Variants in FYB1 observed in about 807,000 individuals in gnomAD.
FYB1 encodes FYN-binding protein 1.
Under a neutral mutation model 94.1 loss-of-function variants are expected in FYB1, and 41 were observed. The ratio of observed to expected loss-of-function variants is 0.44; its 90% CI spans 0.34 to 0.57. FYB1 has a LOEUF of 0.57. Among genes scored for constraint, FYB1 ranks in the 20% least tolerant of loss-of-function variants. The pLI is 0.02. For missense variants in FYB1, 1,050 were observed against 976.8 expected (o/e 1.07, Z -1.00); for synonymous variants, 367 against 353.2 (o/e 1.04, Z -0.44).
At chr5:39,120,878 T>C (rs1740028233) in intron 14 of FYB1, among the ~76,000 whole-genome samples, 3 of 152,190 alleles carry the variant, frequency 2.0e-5, no homozygotes, top group Admixed American at 6.6e-5. Flanking sequence ...TATGGTAGTC[T>C]GGGCATTTGT....
chr5:39,274,056 C>G (rs534795342), intron 1 of FYB1, among the ~76,000 whole-genome samples: 1 of 152,098 alleles, frequency 6.6e-6, no homozygotes. Context: ...TCCCAAGTAA[C>G]TGAGATTACA....
intron 1 of FYB1, among the ~76,000 whole-genome samples, chr5:39,261,884 T>C: frequency 6.6e-6 from 1 of 152,026 alleles, no homozygotes; most frequent in South Asian, 2.1e-4. Flanking sequence ...GAGGAGGCAT[T>C]AGAAAGTGAT....
chr5:39,217,030 G>C (rs1749922455), intron 1 of FYB1, among the ~76,000 whole-genome samples: 1 of 152,134 alleles, frequency 6.6e-6, no homozygotes, highest in African/African-American at 2.4e-5. Context: ...CTTCTGATGG[G>C]GAAATATTCC....
intron 2 of FYB1, among the ~76,000 whole-genome samples, 164 bp from the exon 3 acceptor site, chr5:39,153,768 C>T (rs1002083878): frequency 1.1e-4 from 17 of 152,148 alleles, no homozygotes; most frequent in African/African-American, 3.6e-4. Flanking sequence ...ATTATTACTA[C>T]GTTGTGTGCT....
chr5:39,141,708 A>G (rs375973201), intron 3 of FYB1, among the ~76,000 whole-genome samples: 87 of 152,046 alleles, frequency 5.7e-4, no homozygotes, highest in African/African-American at 2.0e-3. Context: ...TTTTGCACCG[A>G]CCTAATACAA....
intron 2 of FYB1, among the ~76,000 whole-genome samples, chr5:39,195,796 G>A (rs781266696): frequency 2.0e-4 from 30 of 152,156 alleles, no homozygotes; most frequent in Non-Finnish European, 3.8e-4. Context: ...ACTTTGGTGA[G>A]GCATTGTGTT....
intron 2 of FYB1, among the ~76,000 whole-genome samples, chr5:39,182,465 T>C (rs55896535): frequency 0.093 from 14,174 of 152,090 alleles, 1,188 homozygotes; most frequent in East Asian, 0.42. Flanking sequence ...AGACCTGAGG[T>C]CTACCTTTGG....
intron 9 of FYB1, among the ~76,000 whole-genome samples, chr5:39,131,736 G>A (rs1346142815): frequency 6.6e-6 from 1 of 152,116 alleles, no homozygotes; most frequent in Non-Finnish European, 1.5e-5. Context: ...GCAGGCAGTT[G>A]GAATTATGTG....
intron 2 of FYB1, among the ~76,000 whole-genome samples, chr5:39,163,644 C>G (rs569489497): frequency 6.6e-6 from 1 of 152,158 alleles, no homozygotes; most frequent in Admixed American, 6.5e-5. Flanking sequence ...ATTCATTTTC[C>G]AGTCATAAAA....
At chr5:39,127,603 G>C in intron 11 of FYB1, 138 bp downstream of exon 11, 9 of 928,288 alleles carry the variant, frequency 9.7e-6, no homozygotes, top group Non-Finnish European at 1.3e-5. Flanking sequence ...TACAATTGCT[G>C]TTAATTAAAC....
At chr5:39,252,907 AAT>A (rs1310644904) in intron 1 of FYB1, among the ~76,000 whole-genome samples, 3 of 152,200 alleles carry the variant, frequency 2.0e-5, no homozygotes, top group Non-Finnish European at 2.9e-5. Flanking sequence ...ACATTTTAAA[AAT>A]ACTTACAACT....
chr5:39,108,362 C>T (rs1738723792), intron 17 of FYB1, 100 bp from the exon 18 acceptor site: 1 of 1,074,370 alleles, frequency 9.3e-7, no homozygotes, highest in African/African-American at 1.6e-5. Flanking sequence ...TTATAAGACA[C>T]AATTAAGACT....
chr5:39,126,178 G>A, intron 11 of FYB1, 43 bp from the exon 12 acceptor site: 1 of 1,596,386 alleles, frequency 6.3e-7, no homozygotes, highest in Non-Finnish European at 8.5e-7. Flanking sequence ...ATAATCAGCG[G>A]CAAGTGAAGA....
chr5:39,151,588 C>A (rs1402995704), intron 3 of FYB1, among the ~76,000 whole-genome samples: 1 of 152,190 alleles, frequency 6.6e-6, no homozygotes, highest in Non-Finnish European at 1.5e-5. Flanking sequence ...CCATGCCCAG[C>A]CCTGTTTATT....
chr5:39,270,898 T>C (rs1409827829), intron 1 of FYB1: 5 of 301,168 alleles, frequency 1.7e-5, no homozygotes, highest in Non-Finnish European at 3.0e-5. Context: ...ATTAATGTTT[T>C]ATATAACTTC....
chr5:39,181,589 A>C (rs1402666659), intron 2 of FYB1, among the ~76,000 whole-genome samples: 1 of 152,116 alleles, frequency 6.6e-6, no homozygotes, highest in East Asian at 1.9e-4. Flanking sequence ...TGCTTATTTG[A>C]CATCTCCAAG....
At chr5:39,268,920 T>G (rs1202288997) in intron 1 of FYB1, among the ~76,000 whole-genome samples, 1 of 152,206 alleles carries the variant, frequency 6.6e-6, no homozygotes, top group Non-Finnish European at 1.5e-5. Flanking sequence ...TACTCATATA[T>G]TATACCAAAT....
At chr5:39,135,138 T>A (rs376859925) in intron 7 of FYB1, 124 bp from the exon 8 acceptor site, 50 of 1,056,720 alleles carry the variant, frequency 4.7e-5, no homozygotes, top group Non-Finnish European at 6.3e-5. Context: ...ATTTACAGGG[T>A]TTAACCAGAA....
chr5:39,122,646 GA>G (rs1201378536), intron 13 of FYB1, among the ~76,000 whole-genome samples: 1 of 151,894 alleles, frequency 6.6e-6, no homozygotes, highest in Non-Finnish European at 1.5e-5. Context: ...TCGTTATCTG[GA>G]AAAAAACTCA....
Sources: gnomAD v4.1 joint callset for allele counts (sites outside exome capture counted in the v4.1 genomes callset) on GRCh38, gnomAD v4.1.1 for gene constraint, MANE v1.5 for transcripts, NCBI Gene and HGNC (gene_info 2026-07-23, HGNC 2026-07-21) for gene names.